The following NFIC variants were observed in gnomAD, a reference collection of about 807,000 sequenced individuals.
NFIC encodes the protein nuclear factor 1 C-type.
Under a neutral mutation model 54.4 loss-of-function variants are expected in NFIC, and 12 were observed. The observed-to-expected ratio is 0.22, with a 90% confidence interval of 0.14 to 0.36. NFIC has a LOEUF of 0.36. Ranked by LOEUF, NFIC falls within the 10% of genes least tolerant of loss-of-function variation. The pLI, the probability that NFIC is intolerant of heterozygous loss-of-function variation, is 1.00. For missense variants in NFIC, 575 were observed against 718.2 expected, an observed-to-expected ratio of 0.80 and a Z score of 2.28; for synonymous variants, 322 against 319.2, an observed-to-expected ratio of 1.01 and a Z score of -0.09.
At chr19:3,439,390 C>A (rs2082257317) in intron 6 of NFIC, among the ~76,000 whole-genome samples, 1 of 134,380 alleles carries the variant, frequency 7.4e-6, no homozygotes. Flanking sequence ...CACCTGTAAT[C>A]CCAGCACTTT....
intron 6 of NFIC, among the ~76,000 whole-genome samples, chr19:3,439,314 A>G (rs956496375): frequency 7.7e-6 from 1 of 129,788 alleles, no homozygotes; most frequent in African/African-American, 2.9e-5. Context: ...ATCCGGGGCA[A>G]CAGAGAAAGA....
intron 7 of NFIC, among the ~76,000 whole-genome samples, chr19:3,449,602 A>G (rs1255156220): frequency 2.0e-5 from 3 of 151,764 alleles, no homozygotes; most frequent in Non-Finnish European, 2.9e-5. Flanking sequence ...TCTACTAAAA[A>G]TACAAAAATT....
chr19:3,373,617 A>C (rs1190511416), intron 1 of NFIC, among the ~76,000 whole-genome samples: 2,703 of 78,342 alleles, frequency 0.035, no homozygotes, highest in Admixed American at 0.046. Context: ...ACCTTCCTGG[A>C]CCCCCCCCCC....
At chr19:3,440,493 C>G in intron 6 of NFIC, among the ~76,000 whole-genome samples, 1 of 151,054 alleles carries the variant, frequency 6.6e-6, no homozygotes, top group East Asian at 2.0e-4. Flanking sequence ...GTGCAATGCG[C>G]GATCTTGACT....
At chr19:3,437,598 T>G (rs2082223693) in intron 6 of NFIC, among the ~76,000 whole-genome samples, 1 of 139,990 alleles carries the variant, frequency 7.1e-6, no homozygotes. Flanking sequence ...ATCACGCCAG[T>G]GCACGCCAGC....
chr19:3,407,593 C>T (rs2081674470), intron 2 of NFIC, among the ~76,000 whole-genome samples: 3 of 152,056 alleles, frequency 2.0e-5, no homozygotes, highest in Admixed American at 2.0e-4. Context: ...CACCACCACG[C>T]CTGGCTAATT....
chr19:3,447,286 G>A (rs544011269), intron 6 of NFIC, among the ~76,000 whole-genome samples: 36 of 145,710 alleles, frequency 2.5e-4, no homozygotes, highest in Admixed American at 4.8e-4. Flanking sequence ...GCGACAGAGG[G>A]AGACTCTATC....
chr19:3,373,293 G>A (rs1207642196), intron 1 of NFIC, among the ~76,000 whole-genome samples: 1 of 152,182 alleles, frequency 6.6e-6, no homozygotes, highest in African/African-American at 2.4e-5. Context: ...GGAAGTAGGG[G>A]ACCCAGGGTT....
chr19:3,433,553 G>A lies in NFIC; in HGVS notation c.670G>A (p.Gly224Ser), dbSNP rs143519997. Reference sequence around the variant, plus strand: ...CTTCCAGGAGAGCTTTGTCACCTCCGGCGTGTTCAGCGTCACTGAGCTCAT... The same window carrying A: ...CTTCCAGGAGAGCTTTGTCACCTCCAGCGTGTTCAGCGTCACTGAGCTCAT... ...TDFQESFVTS[G>S]VFSVTELIQV... is the part of the protein sequence containing the mutation. Residue 224 changes from glycine to serine, a missense_variant, in exon 4 of 11, where the codon GGC becomes AGC. Around this residue, in one of 3 missense-constraint regions of NFIC, gnomAD observed 447 missense variants for 526.9 expected, o/e 0.85. Transcript: ENST00000443272. 1.7e-5 allele frequency: 27 copies of A among 1,613,850 alleles called. No homozygotes were observed. The highest frequency in any genetic ancestry group is 1.7e-4 in the Admixed American group (10 of 59,984).
chr19:3,434,231 A>G (rs1465389186), intron 4 of NFIC, 46 bp from the exon 5 acceptor site: 1 of 1,582,528 alleles, frequency 6.3e-7, no homozygotes, highest in Non-Finnish European at 8.6e-7. Flanking sequence ...AAACCGCAGC[A>G]CTGGGCACTG....
chr19:3,429,261 CACACACACACA>C (rs2082083030), intron 3 of NFIC, among the ~76,000 whole-genome samples: 1 of 101,560 alleles, frequency 9.8e-6, no homozygotes, highest in Non-Finnish European at 1.9e-5. Context: ...TATACACACA[CACACACACACA>C]CACACACACA....
Position 3,464,278 on chromosome 19 carries a change from CG to C in NFIC, c.*1515del. ...CCCCGCTCGGAACGGGGAGGGTTTT[CG>C]GGGGGTTCGGCGTCGCACCTTGGGG... On this transcript the variant is annotated 3_prime_UTR_variant, in exon 11 of 11. Transcript: ENST00000443272. 4 of 985,338 alleles carry C rather than the reference CG, an allele frequency of 4.1e-6. No individual in the cohort carries two copies. Among genetic ancestry groups the C allele is most frequent in the Non-Finnish European group, 4.8e-6 (4 of 829,908 alleles). The allele number at this position is 985,338 out of a possible 1,614,324, so 61.0% of individuals were successfully genotyped here.
At chr19:3,428,620 G>C (rs759482038) in intron 3 of NFIC, among the ~76,000 whole-genome samples, 1 of 152,046 alleles carries the variant, frequency 6.6e-6, no homozygotes, top group African/African-American at 2.4e-5. Flanking sequence ...TCTGTGACCC[G>C]GGTCCTCCGC....
At chr19:3,409,063 A>C (rs554719349) in intron 2 of NFIC, among the ~76,000 whole-genome samples, 3 of 151,994 alleles carry the variant, frequency 2.0e-5, no homozygotes, top group Non-Finnish European at 4.4e-5. Flanking sequence ...AATGGATTGT[A>C]TCATAGCTCA....
intron 9 of NFIC, among the ~76,000 whole-genome samples, chr19:3,454,740 T>A (rs1459375870): frequency 7.3e-6 from 1 of 137,680 alleles, no homozygotes; most frequent in Non-Finnish European, 1.5e-5. Context: ...TTTGAGCATC[T>A]CTGTCCCTCA....
chr19:3,395,369 A>G (rs892106002), intron 2 of NFIC, among the ~76,000 whole-genome samples: 1 of 151,866 alleles, frequency 6.6e-6, no homozygotes, highest in Non-Finnish European at 1.5e-5. Context: ...TTTTGCCCAG[A>G]CTGGAGTTCA....
rs930740875 is a variant in NFIC at position 3,377,924 on chromosome 19, A to G, written c.31-3788A>G. 1.1e-4 allele frequency among the ~76,000 whole-genome samples: 17 copies of G among 152,066 alleles called. No individual in the cohort carries two copies. The East Asian group carries it at 2.9e-3, about 26-fold the overall frequency. On this transcript the variant is annotated intron_variant, in intron 1 of 10. Coordinates refer to ENST00000443272, the MANE Select transcript of NFIC (RefSeq NM_001245002.2). The stretch of plus-strand genomic sequence containing the variant: ...GACGCGCACCACAAAAATTATGCCC[A>G]GCTAATTTTTGTAATTTTCGTAAAG...
At chr19:3,433,372 T>C in intron 3 of NFIC, 146 bp from the exon 4 acceptor site, 1 of 764,898 alleles carries the variant, frequency 1.3e-6, no homozygotes, top group Non-Finnish European at 2.2e-6. Context: ...CCCATCAGAC[T>C]GGAGCTGTCA....
chr19:3,404,254 C>T (rs1022326588), intron 2 of NFIC, among the ~76,000 whole-genome samples: 3 of 151,644 alleles, frequency 2.0e-5, no homozygotes, highest in Non-Finnish European at 4.4e-5. Flanking sequence ...ATGTAAACAG[C>T]GAGTTATTTT....
Sources: gnomAD v4.1 joint callset for allele counts (sites outside exome capture counted in the v4.1 genomes callset) on GRCh38, gnomAD v4.1.1 for gene constraint, gnomAD v4.1.1 regional missense constraint, MANE v1.5 for transcripts, NCBI Gene and HGNC (gene_info 2026-07-23, HGNC 2026-07-21) for gene names.